Variants in CTNNBIP1 observed in about 807,000 individuals in gnomAD.
CTNNBIP1 encodes the protein beta-catenin-interacting protein 1.
A neutral mutation model predicts 11.8 loss-of-function variants in CTNNBIP1; 7 were observed. That is an observed-to-expected ratio of 0.60 (90% CI 0.34 to 1.12). CTNNBIP1 has a LOEUF of 1.12. Among genes scored for constraint, CTNNBIP1 ranks in the 50% most tolerant of loss-of-function variants. The pLI is 0.03. For missense variants in CTNNBIP1, 101 were observed against 113.4 expected, an observed-to-expected ratio of 0.89 and a Z score of 0.50; for synonymous variants, 58 against 43.9, an observed-to-expected ratio of 1.32 and a Z score of -1.26.
intron 1 of CTNNBIP1, among the ~76,000 whole-genome samples, chr1:9,892,787 G>C (rs1639334824): frequency 6.6e-6 from 1 of 152,062 alleles, no homozygotes; most frequent in African/African-American, 2.4e-5. Context: ...TTGGGTGATT[G>C]CTTCTGCTCT....
In CTNNBIP1 at chr1:9,897,957, A is replaced by G. The variant is rs1267782078; in HGVS notation, c.-144+12138T>C. Among the ~76,000 whole-genome samples, 9 of 150,484 alleles carry G rather than the reference A, an allele frequency of 6.0e-5. No homozygotes were observed. In the East Asian group the frequency reaches 1.4e-3, roughly 23 times the overall value. On this transcript the variant is annotated intron_variant, in intron 1 of 5. Coordinates refer to ENST00000377263, the MANE Select transcript of CTNNBIP1 (RefSeq NM_020248.3). The stretch of plus-strand genomic sequence containing the variant: ...AATAGGGCGAAACCCCGTCTCTACT[A>G]AAAAATACAAAAATTAGCCGGGCGT...
chr1:9,890,952 TGGGTC>T (rs1639289240), intron 1 of CTNNBIP1, among the ~76,000 whole-genome samples: 1 of 152,066 alleles, frequency 6.6e-6, no homozygotes, highest in Non-Finnish European at 1.5e-5. Flanking sequence ...CTGGAGAGCA[TGGGTC>T]ACCTCCAGAG....
chr1:9,862,538 G>A (rs1481895803), intron 5 of CTNNBIP1, among the ~76,000 whole-genome samples: 2 of 152,232 alleles, frequency 1.3e-5, no homozygotes, highest in African/African-American at 2.4e-5. Flanking sequence ...AGTGATTGAG[G>A]TGTGCAAATG....
At chr1:9,901,152 C>T (rs1204640710) in intron 1 of CTNNBIP1, among the ~76,000 whole-genome samples, 1 of 152,182 alleles carries the variant, frequency 6.6e-6, no homozygotes, top group Non-Finnish European at 1.5e-5. Context: ...ATGTCATCTA[C>T]CTGGAAAGAA....
intron 1 of CTNNBIP1, among the ~76,000 whole-genome samples, chr1:9,897,980 C>T (rs184931493): frequency 4.7e-5 from 7 of 150,056 alleles, no homozygotes; most frequent in Non-Finnish European, 7.4e-5. Context: ...ATTAGCCGGG[C>T]GTGCTGGCAC....
intron 5 of CTNNBIP1, among the ~76,000 whole-genome samples, chr1:9,869,433 T>C (rs1638812838): frequency 6.6e-6 from 1 of 152,122 alleles, no homozygotes; most frequent in African/African-American, 2.4e-5. Context: ...AGTGCAGCGG[T>C]GAGATCTTGG....
chr1:9,895,689 A>G (rs1639395723), intron 1 of CTNNBIP1, among the ~76,000 whole-genome samples: 1 of 144,772 alleles, frequency 6.9e-6, no homozygotes, highest in Admixed American at 6.9e-5. Context: ...TAGAGACAGG[A>G]TTTCACCATG....
At chr1:9,860,553 T>A (rs1374967962) in intron 5 of CTNNBIP1, among the ~76,000 whole-genome samples, 1 of 136,376 alleles carries the variant, frequency 7.3e-6, no homozygotes, top group African/African-American at 2.8e-5. Context: ...GAGGTTGCAG[T>A]GAGCCGAGAT....
chr1:9,877,278 T>C (rs1298506148), intron 3 of CTNNBIP1, among the ~76,000 whole-genome samples: 2 of 152,186 alleles, frequency 1.3e-5, no homozygotes, highest in African/African-American at 4.8e-5. Context: ...CCCATTCTAA[T>C]AAAGAGCTTT....
At chr1:9,889,167 C>T (rs11586054) in intron 1 of CTNNBIP1, among the ~76,000 whole-genome samples, 14 of 152,218 alleles carry the variant, frequency 9.2e-5, no homozygotes, top group Non-Finnish European at 1.3e-4. Flanking sequence ...AGGACCTGCA[C>T]GCTGGACAGG....
At chr1:9,868,224 C>G (rs993837096) in intron 5 of CTNNBIP1, among the ~76,000 whole-genome samples, 6 of 152,216 alleles carry the variant, frequency 3.9e-5, no homozygotes, top group Non-Finnish European at 8.8e-5. Context: ...CTCCCACCAC[C>G]TATTCCGCAA....
chr1:9,899,576 T>C (rs1570599469), intron 1 of CTNNBIP1, among the ~76,000 whole-genome samples: 1 of 145,718 alleles, frequency 6.9e-6, no homozygotes, highest in East Asian at 2.1e-4. Flanking sequence ...TTGGCCAACA[T>C]GGTGAAACCC....
At chr1:9,869,003 A>T (rs1027109174) in intron 5 of CTNNBIP1, among the ~76,000 whole-genome samples, 1 of 149,928 alleles carries the variant, frequency 6.7e-6, no homozygotes, top group Non-Finnish European at 1.5e-5. Context: ...TCTTTTAAAA[A>T]TTTTTTAAAT....
chr1:9,874,457 A>G (rs775213408), intron 3 of CTNNBIP1, among the ~76,000 whole-genome samples: 1 of 152,172 alleles, frequency 6.6e-6, no homozygotes, highest in Non-Finnish European at 1.5e-5. Context: ...GTTATGTTGC[A>G]CAGCCAGGTT....
chr1:9,859,621 C>A (rs1053102550), intron 5 of CTNNBIP1, among the ~76,000 whole-genome samples: 1 of 152,214 alleles, frequency 6.6e-6, no homozygotes, highest in African/African-American at 2.4e-5. Context: ...ATATACTGGG[C>A]AGCTCGATGC....
At chr1:9,875,732 G>A (rs1638954067) in intron 3 of CTNNBIP1, among the ~76,000 whole-genome samples, 1 of 152,232 alleles carries the variant, frequency 6.6e-6, no homozygotes, top group Admixed American at 6.5e-5. Context: ...CCGCCCTGCT[G>A]CCTAACAAGA....
intron 1 of CTNNBIP1, among the ~76,000 whole-genome samples, chr1:9,897,467 A>G (rs1250499706): frequency 6.6e-6 from 1 of 150,744 alleles, no homozygotes; most frequent in African/African-American, 2.4e-5. Flanking sequence ...AAACAAAAAC[A>G]AAAACAAAAA....
At chr1:9,900,813 C>T (rs959484740) in intron 1 of CTNNBIP1, among the ~76,000 whole-genome samples, 24 of 152,212 alleles carry the variant, frequency 1.6e-4, no homozygotes, top group Admixed American at 6.5e-5. Context: ...CTCCAGCGAT[C>T]GGCCAGAGGA....
At chr1:9,903,797 A>G (rs1016336550) in intron 1 of CTNNBIP1, among the ~76,000 whole-genome samples, 3 of 152,166 alleles carry the variant, frequency 2.0e-5, no homozygotes, top group African/African-American at 7.2e-5. Context: ...AACTCTGACT[A>G]CCCTAAGAGT....
Sources: gnomAD v4.1 joint callset for allele counts (sites outside exome capture counted in the v4.1 genomes callset) on GRCh38, gnomAD v4.1.1 for gene constraint, MANE v1.5 for transcripts, NCBI Gene and HGNC (gene_info 2026-07-23, HGNC 2026-07-21) for gene names.